The following APBB2 variants were observed in gnomAD, a reference collection of about 807,000 sequenced individuals.
The protein encoded by APBB2 is amyloid beta precursor protein binding family B member 2, also known as Fe65-like 1.
A neutral mutation model predicts 82.5 loss-of-function variants in APBB2; 38 were observed. That is an observed-to-expected ratio of 0.46 (90% confidence interval 0.36 to 0.60). The LOEUF is 0.60. APBB2 is among the 20% of genes least tolerant of loss of function. APBB2 has a pLI of 0.00. For synonymous variants in APBB2, 341 were observed against 368.2 expected, an observed-to-expected ratio of 0.93 and a Z score of 0.85; for missense variants, 772 against 972.3, an observed-to-expected ratio of 0.79 and a Z score of 2.74.
At chr4:40,821,313 G>T (rs1430124516) in intron 17 of APBB2, among the ~76,000 whole-genome samples, 1 of 152,182 alleles carries the variant, frequency 6.6e-6, no homozygotes, top group East Asian at 1.9e-4. Flanking sequence ...TGGCAGCTTG[G>T]GGCTGAATCC....
intron 1 of APBB2, among the ~76,000 whole-genome samples, chr4:41,148,968 C>G (rs1254728560): frequency 1.3e-5 from 2 of 152,060 alleles, no homozygotes; most frequent in African/African-American, 2.4e-5. Flanking sequence ...TTATTTTAAC[C>G]AAAGTATCCA....
chr4:41,209,743 A>C (rs529453099), intron 1 of APBB2, among the ~76,000 whole-genome samples: 1 of 152,380 alleles, frequency 6.6e-6, no homozygotes, highest in East Asian at 1.9e-4. Context: ...TTATCTGCTA[A>C]CTAGACTGGC....
Position 41,027,094 on chromosome 4 carries a change from G to C in APBB2, c.19+6142C>G, listed in dbSNP as rs1448467070. Among the ~76,000 whole-genome samples, 4 of 152,072 alleles carry C rather than the reference G, an allele frequency of 2.6e-5. No individual in the cohort carries two copies. The South Asian group carries it at 8.3e-4, about 32-fold the overall frequency. ...TTCTTCCCTACTATATAAAACCTTA[G>C]TTTTAGTTGGTCAGGGAGATGGATT... On this transcript the variant is annotated intron_variant, in intron 5 of 17. Transcript: ENST00000508593.
At chr4:40,971,797 T>C (rs1026029686) in intron 6 of APBB2, among the ~76,000 whole-genome samples, 1 of 152,182 alleles carries the variant, frequency 6.6e-6, no homozygotes, top group African/African-American at 2.4e-5. Flanking sequence ...ATATTTTGCT[T>C]TAACATTAAA....
At chr4:40,974,685 C>T (rs1298016699) in intron 6 of APBB2, among the ~76,000 whole-genome samples, 2 of 152,132 alleles carry the variant, frequency 1.3e-5, no homozygotes, top group Non-Finnish European at 2.9e-5. Context: ...AGAAGTAAAC[C>T]TCTTTAATCT....
At chr4:40,934,925 C>A (rs984800887) in intron 8 of APBB2, 152 bp downstream of exon 8, 7 of 723,432 alleles carry the variant, frequency 9.7e-6, no homozygotes, top group Non-Finnish European at 1.6e-5. Context: ...CAAAAAAAGG[C>A]AACAGGAGTG....
intron 6 of APBB2, among the ~76,000 whole-genome samples, chr4:40,979,274 TA>T (rs1408327033): frequency 3.3e-5 from 5 of 152,190 alleles, no homozygotes; most frequent in Admixed American, 2.6e-4. Flanking sequence ...ATGTCCAACA[TA>T]CAACAGACAA....
chr4:40,921,228 G>A (rs1781182353), intron 10 of APBB2, among the ~76,000 whole-genome samples: 1 of 152,170 alleles, frequency 6.6e-6, no homozygotes, highest in South Asian at 2.1e-4. Context: ...ATGAACATCG[G>A]CTAACATAAT....
chr4:40,978,620 G>A (rs1023170663), intron 6 of APBB2, among the ~76,000 whole-genome samples: 2 of 152,212 alleles, frequency 1.3e-5, no homozygotes, highest in South Asian at 4.1e-4. Context: ...CAATCCAACC[G>A]TCAATCACGA....
chr4:40,916,589 A>G (rs1335209409), intron 10 of APBB2, among the ~76,000 whole-genome samples: 1 of 152,214 alleles, frequency 6.6e-6, no homozygotes, highest in African/African-American at 2.4e-5. Context: ...TGTTCCAAGT[A>G]GGTAACATAC....
chr4:41,044,363 G>A (rs974475159), intron 4 of APBB2, among the ~76,000 whole-genome samples: 1 of 152,030 alleles, frequency 6.6e-6, no homozygotes, highest in Non-Finnish European at 1.5e-5. Context: ...TGGCCAGTAG[G>A]AGCCTCTTCA....
At chr4:40,901,509 T>C (rs1216829831) in intron 10 of APBB2, among the ~76,000 whole-genome samples, 3 of 151,850 alleles carry the variant, frequency 2.0e-5, no homozygotes, top group Non-Finnish European at 4.4e-5. Flanking sequence ...AGGGTTTTTT[T>C]TGTTGTTGTT....
intron 6 of APBB2, among the ~76,000 whole-genome samples, chr4:40,959,533 G>T (rs1792529759): frequency 6.6e-6 from 1 of 152,146 alleles, no homozygotes; most frequent in African/African-American, 2.4e-5. Flanking sequence ...CTAAATGGTG[G>T]CATGCCAGGA....
At chr4:41,001,668 G>A (rs988681896) in intron 6 of APBB2, among the ~76,000 whole-genome samples, 1 of 151,984 alleles carries the variant, frequency 6.6e-6, no homozygotes, top group East Asian at 1.9e-4. Flanking sequence ...ACCTACGGTC[G>A]GGAGTTCAAG....
chr4:40,830,354 C>T, intron 13 of APBB2, 109 bp downstream of exon 13: 1 of 732,270 alleles, frequency 1.4e-6, no homozygotes, highest in Non-Finnish European at 2.4e-6. Context: ...GCCTACTTCT[C>T]CCTGAGCTCA....
intron 4 of APBB2, among the ~76,000 whole-genome samples, chr4:41,044,338 T>C (rs887921720): frequency 3.3e-5 from 5 of 152,188 alleles, no homozygotes; most frequent in Admixed American, 1.3e-4. Flanking sequence ...TTAAACATAT[T>C]TGCAATTTTA....
At chr4:41,157,019 T>A (rs1239022134) in intron 1 of APBB2, among the ~76,000 whole-genome samples, 1 of 143,346 alleles carries the variant, frequency 7.0e-6, no homozygotes, top group African/African-American at 2.7e-5. Flanking sequence ...TGACCCAAGA[T>A]CACGCCACTG....
rs1386389411 is a variant in APBB2, at chr4:40,832,011, T to TACACACACAC, written c.1530-1435_1530-1434insGTGTGTGTGT. On this transcript the variant is annotated intron_variant, in intron 12 of 17. Coordinates refer to ENST00000508593, the MANE Select transcript of APBB2 (RefSeq NM_004307.2). The surrounding 1 kb of genome is among the most constrained non-coding windows in gnomAD (Gnocchi z 4.8). ...ACACACATATTTATATATTTATTTA[T>TACACACACAC]ATACACACACACACACACACACACA... Among the ~76,000 whole-genome samples, 79 of 49,564 alleles carry TACACACACAC rather than the reference T, an allele frequency of 1.6e-3. No homozygotes were observed. Among genetic ancestry groups the TACACACACAC allele is most frequent in the African/African-American group, 3.0e-3 (57 of 19,142 alleles). The allele number at this position is 49,564 out of a possible 152,430, so 32.5% of individuals were successfully genotyped here.
chr4:41,086,893 T>C (rs916030699), intron 3 of APBB2, among the ~76,000 whole-genome samples: 6 of 149,904 alleles, frequency 4.0e-5, no homozygotes, highest in Middle Eastern at 6.8e-3. Context: ...GATGACATAA[T>C]CTCATGGGTA....
Sources: gnomAD v4.1 joint callset for allele counts (sites outside exome capture counted in the v4.1 genomes callset) on GRCh38, gnomAD v4.1.1 for gene constraint, Gnocchi (gnomAD v3.1) non-coding constraint, MANE v1.5 for transcripts, NCBI Gene and HGNC (gene_info 2026-07-23, HGNC 2026-07-21) for gene names.